Variants in ARL15 observed in about 807,000 individuals in gnomAD.
ARL15 encodes the protein ARF like GTPase 15, also known as ADP-ribosylation factor-like protein 15.
A neutral mutation model predicts 25.2 loss-of-function variants in ARL15; 19 were observed. The observed-to-expected ratio is 0.75, with a 90% confidence interval of 0.53 to 1.10. The LOEUF (loss-of-function observed/expected upper bound fraction) is 1.10. Among genes scored for constraint, ARL15 ranks in the 50% least tolerant of loss-of-function variants. ARL15 has a pLI of 0.00. For missense variants in ARL15, 220 were observed against 246.0 expected, an observed-to-expected ratio of 0.89 and a Z score of 0.71; for synonymous variants, 94 against 86.8, an observed-to-expected ratio of 1.08 and a Z score of -0.46.
chr5:53,914,145 ACACTCT>A (rs1043736924), intron 4 of ARL15, among the ~76,000 whole-genome samples: 8 of 148,722 alleles, frequency 5.4e-5, no homozygotes, highest in Admixed American at 1.4e-4. Context: ...GCCCACACAC[ACACTCT>A]CACACACACA....
At chr5:54,064,977 C>T (rs1026590249) in intron 4 of ARL15, among the ~76,000 whole-genome samples, 9 of 152,062 alleles carry the variant, frequency 5.9e-5, no homozygotes, top group African/African-American at 2.2e-4. Context: ...TGAGTATACC[C>T]AGGGTCAACT....
intron 4 of ARL15, among the ~76,000 whole-genome samples, chr5:53,968,201 T>G (rs576264942): frequency 6.6e-6 from 1 of 152,324 alleles, no homozygotes; most frequent in Non-Finnish European, 1.5e-5. Flanking sequence ...ACTGATACTC[T>G]ACAAAACTGG....
chr5:54,235,241 T>C (rs1409970205), intron 1 of ARL15, among the ~76,000 whole-genome samples: 1 of 152,212 alleles, frequency 6.6e-6, no homozygotes, highest in Non-Finnish European at 1.5e-5. Flanking sequence ...CTTTTAACTC[T>C]GTATGTTAAT....
intron 3 of ARL15, among the ~76,000 whole-genome samples, chr5:54,151,891 T>C (rs1754079813): frequency 6.6e-6 from 1 of 151,634 alleles, no homozygotes; most frequent in Non-Finnish European, 1.5e-5. Context: ...AGAAGAGCCT[T>C]GGAACTATCT....
intron 1 of ARL15, among the ~76,000 whole-genome samples, chr5:54,222,637 C>A (rs889554304): frequency 1.3e-5 from 2 of 152,198 alleles, no homozygotes; most frequent in African/African-American, 2.4e-5. Context: ...AGGGGAGGAG[C>A]AAGGATAAGG....
At chr5:54,034,055 C>T (rs747357334) in intron 4 of ARL15, among the ~76,000 whole-genome samples, 3 of 152,154 alleles carry the variant, frequency 2.0e-5, no homozygotes, top group Non-Finnish European at 2.9e-5. Flanking sequence ...CTTCGTGATC[C>T]GCTTGCCTTG....
chr5:54,085,020 G>A (rs13190059), intron 4 of ARL15, among the ~76,000 whole-genome samples: 2,623 of 152,252 alleles, frequency 0.017, 26 homozygotes, highest in Middle Eastern at 0.027. Context: ...AAAAACAACC[G>A]TGAAATTTGA....
At chr5:54,180,826 A>G (rs1453713822) in intron 1 of ARL15, among the ~76,000 whole-genome samples, 1 of 152,188 alleles carries the variant, frequency 6.6e-6, no homozygotes, top group African/African-American at 2.4e-5. Flanking sequence ...AACTCGTGGC[A>G]ACAAAAGAAA....
intron 3 of ARL15, among the ~76,000 whole-genome samples, chr5:54,132,871 T>C (rs1056737880): frequency 1.3e-5 from 2 of 152,170 alleles, no homozygotes; most frequent in African/African-American, 4.8e-5. Context: ...CTGCAACCTG[T>C]TTTATTACCA....
intron 1 of ARL15, among the ~76,000 whole-genome samples, chr5:54,268,366 G>A (rs939863571): frequency 1.3e-5 from 2 of 151,944 alleles, no homozygotes; most frequent in South Asian, 2.1e-4. Flanking sequence ...TTATACATTC[G>A]TCTAAATTTT....
chr5:53,995,118 G>A (rs2111682865), intron 4 of ARL15, among the ~76,000 whole-genome samples: 1 of 152,174 alleles, frequency 6.6e-6, no homozygotes, highest in Middle Eastern at 3.4e-3. Context: ...AGACCAGCCT[G>A]GCCAAGATGG....
chr5:54,245,952 C>G (rs1178479870), intron 1 of ARL15, among the ~76,000 whole-genome samples: 1 of 152,106 alleles, frequency 6.6e-6, no homozygotes, highest in African/African-American at 2.4e-5. Context: ...AATATTGTAT[C>G]CAATTCACAG....
intron 4 of ARL15, among the ~76,000 whole-genome samples, chr5:54,023,244 G>A (rs892608431): frequency 1.3e-5 from 2 of 151,628 alleles, no homozygotes; most frequent in African/African-American, 2.4e-5. Flanking sequence ...GGCTGTTAAA[G>A]ATTATGGATG....
At chr5:54,214,958 C>T (rs879865542) in intron 1 of ARL15, among the ~76,000 whole-genome samples, 1 of 152,046 alleles carries the variant, frequency 6.6e-6, no homozygotes, top group Non-Finnish European at 1.5e-5. Context: ...CAGCAGATCA[C>T]GTTACTCCAG....
intron 1 of ARL15, among the ~76,000 whole-genome samples, chr5:54,289,216 A>G (rs1242379512): frequency 6.6e-6 from 1 of 152,154 alleles, no homozygotes; most frequent in Non-Finnish European, 1.5e-5. Flanking sequence ...ATTTGCATTG[A>G]CCACACATTT....
intron 4 of ARL15, among the ~76,000 whole-genome samples, chr5:53,940,234 A>G (rs1369238242): frequency 6.6e-6 from 1 of 152,054 alleles, no homozygotes; most frequent in Non-Finnish European, 1.5e-5. Context: ...TGGCCTCCCA[A>G]AGTGCTGGGA....
At chr5:54,013,831 C>A (rs1396357021) in intron 4 of ARL15, among the ~76,000 whole-genome samples, 1 of 152,146 alleles carries the variant, frequency 6.6e-6, no homozygotes, top group African/African-American at 2.4e-5. Context: ...CAGCAGCACC[C>A]ATTCCCTTAC....
At chr5:54,115,834 A>T (rs1006460706) in intron 3 of ARL15, among the ~76,000 whole-genome samples, 2 of 152,166 alleles carry the variant, frequency 1.3e-5, no homozygotes, top group Non-Finnish European at 2.9e-5. Context: ...TAGGGAATTC[A>T]TTACTTAGGT....
chr5:53,971,256 AGATGTT>A (rs1173848138), intron 4 of ARL15, among the ~76,000 whole-genome samples: 1 of 152,180 alleles, frequency 6.6e-6, no homozygotes, highest in African/African-American at 2.4e-5. Context: ...GGCTGTGGTC[AGATGTT>A]AGACAGACTA....
Sources: allele counts gnomAD v4.1 joint callset (sites outside exome capture counted in the v4.1 genomes callset), GRCh38; gene constraint gnomAD v4.1.1; transcripts MANE v1.5; gene names NCBI Gene and HGNC (gene_info 2026-07-23, HGNC 2026-07-21).